FUBP1: variants seen among roughly 807,000 people sequenced by gnomAD.
FUBP1 encodes far upstream element-binding protein 1.
A neutral mutation model predicts 94.9 loss-of-function variants in FUBP1; 16 were observed. The ratio of observed to expected loss-of-function variants is 0.17; its 90% confidence interval spans 0.11 to 0.26. FUBP1 has a LOEUF of 0.26. Among genes scored for constraint, FUBP1 ranks in the 10% least tolerant of loss-of-function variants. FUBP1 has a pLI of 1.00. For synonymous variants in FUBP1, 279 were observed against 254.9 expected (o/e 1.09, Z -0.90); for missense variants, 583 against 808.6 (o/e 0.72, Z 3.38).
In FUBP1 at chr1:77,962,757, A is replaced by G. The variant is rs1478600024; in HGVS notation, c.1344+13T>C. 3 of 1,590,716 alleles carry G rather than the reference A, an allele frequency of 1.9e-6. No homozygotes were observed. Among genetic ancestry groups the G allele is most frequent in the African/African-American group, 1.3e-5 (1 of 74,254 alleles). On this transcript the variant is annotated intron_variant, in intron 14 of 19. Coordinates refer to ENST00000370768, the MANE Select transcript of FUBP1 (RefSeq NM_003902.5). ...GGTCTACACTAAAAATTAAAAGTTT[A>G]AAGTATACTCACACCAATCTTTTCT...
rs779259551 is a variant in FUBP1 at position 77,969,910 on chromosome 1, T to TA, written c.211+14dup. The TA allele has an allele frequency of 1.7e-5, 19 of 1,150,510 alleles. No homozygotes were observed. Among genetic ancestry groups the TA allele is most frequent in the South Asian group, 5.5e-5 (4 of 73,086 alleles). 71.3% of individuals were successfully genotyped at this position (1,150,510 alleles called of 1,614,324 possible). A position where few individuals can be genotyped will look rare whatever the true frequency, so the allele number is the denominator to read the frequency against. Reference sequence around the variant, plus strand: ...ACTCTGAAAAACAATTTAAAATACTTAGAGTATAACTTACCTCCATCTTCT... The same window carrying TA: ...ACTCTGAAAAACAATTTAAAATACTTAAGAGTATAACTTACCTCCATCTTCT... On this transcript the variant is annotated intron_variant, in intron 2 of 19. Transcript: ENST00000370768.
At chr1:77,968,566 G>C (rs539444388) in intron 2 of FUBP1, among the ~76,000 whole-genome samples, 2 of 151,530 alleles carry the variant, frequency 1.3e-5, no homozygotes, top group African/African-American at 4.8e-5. Context: ...ACTGAAGACT[G>C]GGGGGAGAAA....
intron 7 of FUBP1, among the ~76,000 whole-genome samples, chr1:77,966,362 C>G (rs1284114507): frequency 4.6e-5 from 7 of 152,108 alleles, no homozygotes; most frequent in Non-Finnish European, 1.0e-4. Context: ...GAAATGCAGG[C>G]AACACAACAG....
At chr1:77,978,214 C>G (rs1659076493) in intron 1 of FUBP1, among the ~76,000 whole-genome samples, 1 of 152,218 alleles carries the variant, frequency 6.6e-6, no homozygotes. Flanking sequence ...AATGCACGCA[C>G]TACGTAATAC....
At chr1:77,964,549 A>C (rs1656117963) in intron 10 of FUBP1, 97 bp downstream of exon 10, 1 of 765,188 alleles carries the variant, frequency 1.3e-6, no homozygotes, top group East Asian at 2.5e-5. Context: ...GTGAAATAAA[A>C]GGATAACAAT....
At chr1:77,970,626 A>G (rs563422006) in intron 1 of FUBP1, among the ~76,000 whole-genome samples, 2 of 152,336 alleles carry the variant, frequency 1.3e-5, no homozygotes, top group East Asian at 1.9e-4. Context: ...TTCTAAGGAT[A>G]TATGTAGGAG....
At chr1:77,978,828 C>G (rs1659278752) in intron 1 of FUBP1, 57 bp downstream of exon 1, 2 of 1,605,812 alleles carry the variant, frequency 1.2e-6, no homozygotes, top group South Asian at 1.1e-5. Context: ...GCGGCCTACT[C>G]AGTCAGCGGC....
At chr1:77,961,205 A>G (rs1014318108) in intron 14 of FUBP1, among the ~76,000 whole-genome samples, 2 of 152,242 alleles carry the variant, frequency 1.3e-5, no homozygotes, top group African/African-American at 2.4e-5. Flanking sequence ...TTAAGCCAAC[A>G]AAGACATTAC....
At chr1:77,969,806 A>G (rs1228789480) in intron 2 of FUBP1, 119 bp downstream of exon 2, 3 of 476,322 alleles carry the variant, frequency 6.3e-6, no homozygotes, top group African/African-American at 2.0e-5. Context: ...TATACAGCTT[A>G]CAATTTTAAC....
chr1:77,960,335 A>G lies in FUBP1; in HGVS notation c.1496+9T>C, dbSNP rs762658346. 4 of 1,612,052 alleles carry G rather than the reference A, an allele frequency of 2.5e-6. No homozygotes were observed. The South Asian group carries it at 4.4e-5, about 18-fold the overall frequency. ...TTGGGGAAAGCCCAGAACTAAACCC[A>G]ATACTTACTGAGGAGCCGGGCCTGG... On this transcript the variant is annotated intron_variant, in intron 15 of 19. Coordinates refer to ENST00000370768, the MANE Select transcript of FUBP1 (RefSeq NM_003902.5).
At chr1:77,964,020 T>C in intron 12 of FUBP1, 42 bp downstream of exon 12, 1 of 1,187,300 alleles carries the variant, frequency 8.4e-7, no homozygotes, top group Non-Finnish European at 1.3e-6. Context: ...AAAATACTTT[T>C]CCATAAAAAC....
At position 77,966,585 on chromosome 1, in the gene FUBP1, T is replaced by A. The variant is rs2102415722; in HGVS notation, c.473+109A>T. On this transcript the variant is annotated intron_variant, in intron 7 of 19. Transcript: ENST00000370768. ...GGAGTTGGAGGACTTTGAGGGAAGG[T>A]GGCAGCGAAACCACAGTGTAAAATA... 4 of 670,364 alleles carry A rather than the reference T, an allele frequency of 6.0e-6. No homozygotes were observed. In the East Asian group the frequency reaches 1.0e-4, roughly 17 times the overall value. 41.5% of individuals were successfully genotyped at this position (670,364 alleles called of 1,614,324 possible). A position where few individuals can be genotyped will look rare whatever the true frequency, so the allele number is the denominator to read the frequency against.
intron 14 of FUBP1, among the ~76,000 whole-genome samples, chr1:77,961,862 C>T (rs1416272101): frequency 6.6e-6 from 1 of 152,146 alleles, no homozygotes. Context: ...ATTTTTTGAA[C>T]CATTAAACTA....
At chr1:77,966,087 G>GTTGTACTTCAGTAC (rs1329982281) in intron 7 of FUBP1, among the ~76,000 whole-genome samples, 2 of 152,196 alleles carry the variant, frequency 1.3e-5, no homozygotes, top group East Asian at 3.9e-4. Context: ...ACTGCAAGCT[G>GTTGTACTTCAGTAC]AACCTTCAGT....
chr1:77,978,847 G>A (rs1312264527), intron 1 of FUBP1, 38 bp downstream of exon 1: 3 of 1,612,784 alleles, frequency 1.9e-6, no homozygotes, highest in African/African-American at 1.3e-5. Context: ...GCCAATTACC[G>A]TGAGCTTTCG....
intron 16 of FUBP1, among the ~76,000 whole-genome samples, chr1:77,958,788 T>C (rs1654935657): frequency 6.6e-6 from 1 of 152,206 alleles, no homozygotes; most frequent in African/African-American, 2.4e-5. Flanking sequence ...CAGATCCAAG[T>C]TACCCAATAT....
At chr1:77,974,384 A>C (rs757488285) in intron 1 of FUBP1, among the ~76,000 whole-genome samples, 1 of 152,030 alleles carries the variant, frequency 6.6e-6, no homozygotes, top group South Asian at 2.1e-4. Flanking sequence ...CACCCGCCTC[A>C]GCCTCCCAAA....
intron 9 of FUBP1, 49 bp downstream of exon 9, chr1:77,964,821 A>T: frequency 6.7e-7 from 1 of 1,481,826 alleles, no homozygotes; most frequent in Non-Finnish European, 9.4e-7. Flanking sequence ...TATTTTGCCC[A>T]ACCCCATTCA....
intron 7 of FUBP1, 45 bp from the exon 8 acceptor site, chr1:77,965,276 A>G (rs763002298): frequency 7.6e-7 from 1 of 1,319,470 alleles, no homozygotes; most frequent in South Asian, 1.3e-5. Flanking sequence ...AGCATACCCA[A>G]GCTTATTCAA....
Sources: allele counts gnomAD v4.1 joint callset (sites outside exome capture counted in the v4.1 genomes callset), GRCh38; gene constraint gnomAD v4.1.1; transcripts MANE v1.5; gene names NCBI Gene and HGNC (gene_info 2026-07-23, HGNC 2026-07-21).